Variants in CDCA7L observed in about 807,000 individuals in gnomAD.
CDCA7L encodes the protein cell division cycle associated 7 like, also known as cell division cycle-associated 7-like protein.
Under a neutral mutation model 57.4 loss-of-function variants are expected in CDCA7L, and 44 were observed. The ratio of observed to expected loss-of-function variants is 0.77; its 90% CI spans 0.60 to 0.98. The LOEUF (loss-of-function observed/expected upper bound fraction) is 0.98. CDCA7L is among the 50% of genes least tolerant of loss of function. The pLI, the probability that CDCA7L is intolerant of heterozygous loss-of-function variation, is 0.00. For synonymous variants in CDCA7L, 236 were observed against 202.8 expected (o/e 1.16, Z -1.39); for missense variants, 644 against 580.6 (o/e 1.11, Z -1.12).
In CDCA7L at chr7:21,906,592, T is replaced by C. The variant is rs758352476; in HGVS notation, c.729A>G (p.Pro243=). 6.1e-5 allele frequency: 99 copies of C among 1,614,030 alleles called. No individual in the cohort carries two copies. In the South Asian group the frequency reaches 1.0e-3, roughly 17 times the overall value. ...CAGAAGCTGAGGTTGGGGTTCGTAC[T>C]GGGAAGAAATCTGGCATCGAGTTCA... The part of the protein sequence containing the change: ...AELNSMPDFF[P]VRTPTSASRK... Residue 243 remains proline (P), a synonymous_variant, in exon 5 of 10, where the codon CCA becomes CCG. Coordinates refer to ENST00000406877, the MANE Select transcript of CDCA7L (RefSeq NM_018719.5).
intron 1 of CDCA7L, among the ~76,000 whole-genome samples, chr7:21,933,128 G>A (rs958649577): frequency 9.9e-5 from 15 of 152,084 alleles, no homozygotes; most frequent in Admixed American, 8.5e-4. Flanking sequence ...TTAGAATGGC[G>A]AACATTAAAA....
At chr7:21,911,793 G>T (rs763103442) in intron 2 of CDCA7L, 39 bp from the exon 3 acceptor site, 34 of 1,587,042 alleles carry the variant, frequency 2.1e-5, no homozygotes, top group Non-Finnish European at 2.7e-5. Context: ...ACGGAAAGTA[G>T]AATAGAGGTT....
At position 21,916,895 on chromosome 7, in the gene CDCA7L, C is replaced by A; in HGVS notation, c.25-1G>T. The A allele has an allele frequency of 6.2e-7, 1 of 1,614,010 alleles. No homozygotes were observed. Among genetic ancestry groups the A allele is most frequent in the Non-Finnish European group, 8.5e-7 (1 of 1,179,954 alleles). On this transcript the variant is annotated splice_acceptor_variant, in intron 1 of 9. Transcript: ENST00000406877. LOFTEE classifies it high-confidence loss of function. ...AGATGTCAGCCACTTCTTTAGGGAT[C>A]TGTTTTGGATTCAAAAGAGGCAGGA...
In CDCA7L at chr7:21,900,969, G is replaced by C. The variant is rs750500170; in HGVS notation, c.*1353C>G. On this transcript the variant is annotated 3_prime_UTR_variant, in exon 10 of 10. Transcript: ENST00000406877. ...ACTTGATCATTATCATTAGTAGCAA[G>C]CTGCCACACAATTGCAACCGCTGTG... The C allele has an allele frequency of 6.5e-7, 1 of 1,526,922 alleles. No individual in the cohort carries two copies. The allele number at this position is 1,526,922 out of a possible 1,614,324, so 94.6% of individuals were successfully genotyped here.
intron 7 of CDCA7L, among the ~76,000 whole-genome samples, chr7:21,905,221 T>G (rs1785100526): frequency 1.1e-5 from 1 of 88,572 alleles, no homozygotes; most frequent in South Asian, 3.4e-4. Flanking sequence ...TAAAACTATA[T>G]GCTTAAACCA....
intron 1 of CDCA7L, among the ~76,000 whole-genome samples, chr7:21,929,776 A>C (rs7786788): frequency 0.53 from 80,327 of 151,782 alleles, 22,086 homozygotes; most frequent in East Asian, 0.7. Context: ...AGCTAACTAC[A>C]CTAAATATAT....
intron 3 of CDCA7L, among the ~76,000 whole-genome samples, chr7:21,910,672 G>C (rs973188120): frequency 6.6e-6 from 1 of 152,204 alleles, no homozygotes; most frequent in Non-Finnish European, 1.5e-5. Context: ...GTGCCTTAAA[G>C]TTACCTTCAG....
chr7:21,908,518 A>G lies in CDCA7L; in HGVS notation c.304-11T>C, dbSNP rs1785212680. On this transcript the variant is annotated splice_polypyrimidine_tract_variant and intron_variant, in intron 3 of 9. Transcript: ENST00000406877. ...ATCTGACTCCACGACCTAATAAAATAAGAGCAAGAAAAAGCACAAAGACAC... is the reference window on the plus strand; with the variant it reads ...ATCTGACTCCACGACCTAATAAAATGAGAGCAAGAAAAAGCACAAAGACAC... The G allele has an allele frequency of 6.7e-7, 1 of 1,502,558 alleles. No homozygotes were observed. Among genetic ancestry groups the G allele is most frequent in the South Asian group, 1.4e-5 (1 of 70,484 alleles). The allele number at this position is 1,502,558 out of a possible 1,614,324, so 93.1% of individuals were successfully genotyped here.
At chr7:21,939,684 G>T (rs1463208931) in intron 1 of CDCA7L, among the ~76,000 whole-genome samples, 1 of 152,160 alleles carries the variant, frequency 6.6e-6, no homozygotes, top group Non-Finnish European at 1.5e-5. Flanking sequence ...CAGAACAACT[G>T]CTTCATCCTG....
intron 1 of CDCA7L, among the ~76,000 whole-genome samples, chr7:21,941,231 GAA>G (rs1786330884): frequency 6.6e-6 from 1 of 152,064 alleles, no homozygotes. Context: ...TTTTTCAACA[GAA>G]AATACATAAA....
intron 3 of CDCA7L, among the ~76,000 whole-genome samples, chr7:21,910,465 G>C (rs1157804046): frequency 1.3e-5 from 2 of 152,166 alleles, no homozygotes; most frequent in African/African-American, 4.8e-5. Flanking sequence ...TGAGGGACAT[G>C]GCAGGCTAGG....
chr7:21,921,712 A>G (rs1785659788), intron 1 of CDCA7L, among the ~76,000 whole-genome samples: 1 of 152,106 alleles, frequency 6.6e-6, no homozygotes, highest in Non-Finnish European at 1.5e-5. Context: ...AAATTTCTCA[A>G]TCAATGGATA....
chr7:21,930,111 A>C (rs1382043846), intron 1 of CDCA7L, among the ~76,000 whole-genome samples: 1 of 121,802 alleles, frequency 8.2e-6, no homozygotes, highest in African/African-American at 3.5e-5. Context: ...AAATCATAAC[A>C]AACAGTCTCT....
chr7:21,926,012 G>T (rs1785814716), intron 1 of CDCA7L, among the ~76,000 whole-genome samples: 1 of 152,130 alleles, frequency 6.6e-6, no homozygotes, highest in South Asian at 2.1e-4. Flanking sequence ...GCCTAGGCAG[G>T]ATAGCTTAAG....
intron 1 of CDCA7L, among the ~76,000 whole-genome samples, chr7:21,927,951 C>T (rs1466963725): frequency 6.6e-6 from 1 of 152,322 alleles, no homozygotes; most frequent in East Asian, 1.9e-4. Flanking sequence ...CCCAGCACAG[C>T]GTTCAAGCTC....
chr7:21,911,006 A>ATTTTTTTTTTTTTTTTTTTTTTTTT (rs557286550), intron 3 of CDCA7L, among the ~76,000 whole-genome samples: 1 of 82,474 alleles, frequency 1.2e-5, no homozygotes, highest in Non-Finnish European at 2.1e-5. Flanking sequence ...TCTTGAGATA[A>ATTTTTTTTTTTTTTTTTTTTTTTTT]TTTTTTTTTT....
intron 1 of CDCA7L, among the ~76,000 whole-genome samples, chr7:21,927,047 G>C (rs1327038989): frequency 6.6e-6 from 1 of 152,174 alleles, no homozygotes; most frequent in African/African-American, 2.4e-5. Context: ...CCCTAGCACA[G>C]AGTCAGTCTG....
intron 1 of CDCA7L, among the ~76,000 whole-genome samples, chr7:21,942,178 G>A (rs1478384587): frequency 6.6e-6 from 1 of 152,182 alleles, no homozygotes; most frequent in East Asian, 1.9e-4. Context: ...AAGGAAAACA[G>A]GCAGGAAACA....
rs1785393445 is a variant in CDCA7L at position 21,913,454 on chromosome 7, TG to T, written c.166-1701del. Reference sequence around the variant, plus strand: ...GCAAGTTCATGCAGCTTCTCTCTATTGGTTAAAATGGATCATGAGCCTGTGG... The same window carrying T: ...GCAAGTTCATGCAGCTTCTCTCTATTGTTAAAATGGATCATGAGCCTGTGG... On this transcript the variant is annotated intron_variant, in intron 2 of 9. Coordinates refer to ENST00000406877, the MANE Select transcript of CDCA7L (RefSeq NM_018719.5). Among the ~76,000 whole-genome samples the T allele has an allele frequency of 3.9e-5, 6 of 152,280 alleles. 1 individual carries two copies. The South Asian group carries it at 1.2e-3, about 32-fold the overall frequency.
Sources: allele counts gnomAD v4.1 joint callset (sites outside exome capture counted in the v4.1 genomes callset), GRCh38; gene constraint gnomAD v4.1.1; transcripts MANE v1.5; gene names NCBI Gene and HGNC (gene_info 2026-07-23, HGNC 2026-07-21).